PTGDR2: variants seen among roughly 807,000 people sequenced by gnomAD.
PTGDR2 encodes G-protein coupled receptor 44.
For synonymous variants in PTGDR2, 276 were observed against 278.4 expected (o/e 0.99, Z 0.09); for missense variants, 544 against 576.6 (o/e 0.94, Z 0.58).
intron 1 of PTGDR2, among the ~76,000 whole-genome samples, chr11:60,854,361 A>AAT (rs1402195406): frequency 6.6e-6 from 1 of 152,184 alleles, no homozygotes; most frequent in Non-Finnish European, 1.5e-5. Context: ...TTGGAGAGGA[A>AAT]ATAAGATAAG....
In PTGDR2 at chr11:60,852,460, G is replaced by T; in HGVS notation, c.*75C>A. The T allele has an allele frequency of 8.4e-7, 1 of 1,196,148 alleles. No individual in the cohort carries two copies. The highest frequency in any genetic ancestry group is 1.0e-6 in the Non-Finnish European group (1 of 952,926). The allele number at this position is 1,196,148 out of a possible 1,614,324, so 74.1% of individuals were successfully genotyped here. On this transcript the variant is annotated 3_prime_UTR_variant, in exon 2 of 2. Transcript: ENST00000332539. Reference sequence around the variant, plus strand: ...TCGGACTTTGATCACTGCGGCAGGAGTCCGGATATCGAATTGAACCGCGGC... The same window carrying T: ...TCGGACTTTGATCACTGCGGCAGGATTCCGGATATCGAATTGAACCGCGGC...
At position 60,853,043 on chromosome 11, in the gene PTGDR2, G is replaced by C. The variant is rs1166139910; in HGVS notation, c.680C>G (p.Ala227Gly). 27 of 1,567,066 alleles carry C rather than the reference G, an allele frequency of 1.7e-5. No homozygotes were observed. Among genetic ancestry groups the C allele is most frequent in the Admixed American group, 1.8e-5 (1 of 54,692 alleles). Residue 227 changes from alanine (A) to glycine (G), a missense_variant, in exon 2 of 2, where the codon GCG becomes GGG. Transcript: ENST00000332539. ...VPLAIIASSH[A>G]AVSLRLQHRG... The stretch of plus-strand genomic sequence containing the variant: ...GTGCTGCAACCGCAGGCTCACGGCC[G>C]CGTGGCTCGAGGCGATGATCGCCAG...
chr11:60,855,361 A>C (rs1855342931), intron 1 of PTGDR2, among the ~76,000 whole-genome samples: 2 of 152,096 alleles, frequency 1.3e-5, no homozygotes, highest in African/African-American at 4.8e-5. Flanking sequence ...TATGGGGATG[A>C]TCAGAGAGCA....
At position 60,853,338 on chromosome 11, in the gene PTGDR2, G is replaced by C; in HGVS notation, c.385C>G (p.Arg129Gly). The C allele has an allele frequency of 1.9e-6, 3 of 1,609,578 alleles. No homozygotes were observed. Among genetic ancestry groups the C allele is most frequent in the Non-Finnish European group, 2.5e-6 (3 of 1,178,424 alleles). Residue 129 changes from arginine (R) to glycine (G), a missense_variant, in exon 2 of 2, where the codon CGC becomes GGC. Physicochemically the swap from Arg to Gly is moderately radical, Grantham distance 125. Coordinates refer to ENST00000332539, the MANE Select transcript of PTGDR2 (RefSeq NM_004778.3). ...GFLLSAISLD[R>G]CLQVVRPVWA... The stretch of plus-strand genomic sequence containing the variant: ...ACCGGCCGCACCACCTGCAGGCAGC[G>C]GTCCAGGCTGATGGCGCTGAGCAGG...
At position 60,852,983 on chromosome 11, in the gene PTGDR2, A is replaced by C. The variant is rs1409036697; in HGVS notation, c.740T>G (p.Leu247Arg). The C allele has an allele frequency of 6.4e-6, 9 of 1,403,606 alleles. No homozygotes were observed. Among genetic ancestry groups the C allele is most frequent in the Non-Finnish European group, 5.6e-6 (6 of 1,080,898 alleles). The allele number at this position is 1,403,606 out of a possible 1,614,324, so 86.9% of individuals were successfully genotyped here. A position where few individuals can be genotyped will look rare whatever the true frequency, so the allele number is the denominator to read the frequency against. Residue 247 changes from leucine (L) to arginine (R), a missense_variant, in exon 2 of 2, where the codon CTG becomes CGG. Transcript: ENST00000332539. ...GRRRPGRFVR[L>R]VAAVVAAFAL... ...GAAGGCGGCCACGACGGCCGCCACC[A>C]GGCGCACGAAGCGGCCTGGCCGCCG... is the stretch of plus-strand genomic sequence containing the variant.
intron 1 of PTGDR2, among the ~76,000 whole-genome samples, chr11:60,855,454 G>C (rs1421562591): frequency 6.8e-6 from 1 of 146,366 alleles, no homozygotes; most frequent in Non-Finnish European, 1.5e-5. Context: ...GGATTCTCAG[G>C]AGCCAAGCAG....
chr11:60,854,111 G>T (rs1855324204), intron 1 of PTGDR2, among the ~76,000 whole-genome samples: 1 of 152,214 alleles, frequency 6.6e-6, no homozygotes, highest in African/African-American at 2.4e-5. Context: ...AAGGAACAAG[G>T]TCAGGCCACA....
At position 60,852,613 on chromosome 11, in the gene PTGDR2, G is replaced by A. The variant is rs766262749; in HGVS notation, c.1110C>T (p.Leu370=). ...CTGCGCAGCTGCCCAGCAGCCAGCC[G>A]AGGAGACGCGCGGGGCCCCGCGGTT... ...PEEPRGPARL[L]GWLLGSCAAS... is the part of the protein sequence containing the mutation. Residue 370 remains leucine, a synonymous_variant, in exon 2 of 2, where the codon CTC becomes CTT. Coordinates refer to ENST00000332539, the MANE Select transcript of PTGDR2 (RefSeq NM_004778.3). 3.0e-6 allele frequency: 4 copies of A among 1,312,706 alleles called. No individual in the cohort carries two copies. Among genetic ancestry groups the A allele is most frequent in the Non-Finnish European group, 3.9e-6 (4 of 1,029,898 alleles). 81.3% of individuals were successfully genotyped at this position (1,312,706 alleles called of 1,614,324 possible). A position where few individuals can be genotyped will look rare whatever the true frequency, so the allele number is the denominator to read the frequency against.
chr11:60,853,004 C>A lies in PTGDR2; in HGVS notation c.719G>T (p.Arg240Leu), dbSNP rs914134006. 2.1e-6 allele frequency: 3 copies of A among 1,443,456 alleles called. No homozygotes were observed. The highest frequency in any genetic ancestry group is 2.7e-5 in the East Asian group (1 of 36,558). 89.4% of individuals were successfully genotyped at this position (1,443,456 alleles called of 1,614,324 possible). A position where few individuals can be genotyped will look rare whatever the true frequency, so the allele number is the denominator to read the frequency against. The change falls in exon 2 of 2, where the codon CGG becomes CTG. Residue 240 changes from arginine to leucine, a missense_variant. Transcript: ENST00000332539. ...SLRLQHRGRR[R>L]PGRFVRLVAA... ...CACCAGGCGCACGAAGCGGCCTGGC[C>A]GCCGGCGGCCGCGGTGCTGCAACCG...
rs1321054434 is a variant in PTGDR2, at chr11:60,852,461, T to G, written c.*74A>C. ...CGGACTTTGATCACTGCGGCAGGAGTCCGGATATCGAATTGAACCGCGGCA... is the reference window on the plus strand; with the variant it reads ...CGGACTTTGATCACTGCGGCAGGAGGCCGGATATCGAATTGAACCGCGGCA... On this transcript the variant is annotated 3_prime_UTR_variant, in exon 2 of 2. Coordinates refer to ENST00000332539, the MANE Select transcript of PTGDR2 (RefSeq NM_004778.3). 3 of 1,195,974 alleles carry G rather than the reference T, an allele frequency of 2.5e-6. No individual in the cohort carries two copies. Among genetic ancestry groups the G allele is most frequent in the Admixed American group, 4.2e-5 (1 of 23,634 alleles). 74.1% of individuals were successfully genotyped at this position (1,195,974 alleles called of 1,614,324 possible). A position where few individuals can be genotyped will look rare whatever the true frequency, so the allele number is the denominator to read the frequency against.
chr11:60,853,102 G>A lies in PTGDR2; in HGVS notation c.621C>T (p.Ala207=), dbSNP rs141086539. The change falls in exon 2 of 2, where the codon GCC becomes GCT. Residue 207 remains alanine, a synonymous_variant. Coordinates refer to ENST00000332539, the MANE Select transcript of PTGDR2 (RefSeq NM_004778.3). ...GGAAGGCCAGCAGGAACTTGCTGAC[G>A]GCCAGGGCCACCTGCCGCGAGTTGC... ...ATCNSRQVAL[A]VSKFLLAFLV... is the part of the protein sequence containing the mutation. 1.9e-6 allele frequency: 3 copies of A among 1,602,454 alleles called. No individual in the cohort carries two copies. The highest frequency in any genetic ancestry group is 2.5e-6 in the Non-Finnish European group (3 of 1,178,188).
In PTGDR2 at chr11:60,851,168, G is replaced by A. The variant is rs989230424; in HGVS notation, c.*1367C>T. ...CGAGGTGTCAACACAGGGTGGCTCT[G>A]CAGCTAGCTGGGCACCTCACTGTTC... On this transcript the variant is annotated 3_prime_UTR_variant, in exon 2 of 2. Coordinates refer to ENST00000332539, the MANE Select transcript of PTGDR2 (RefSeq NM_004778.3). The A allele has an allele frequency of 6.6e-6, 1 of 152,340 alleles. No homozygotes were observed. The highest frequency in any genetic ancestry group is 1.5e-5 in the Non-Finnish European group (1 of 68,074). The allele number at this position is 152,340 out of a possible 1,614,324, so 9.4% of individuals were successfully genotyped here.
intron 1 of PTGDR2, among the ~76,000 whole-genome samples, chr11:60,854,260 T>G (rs1855326964): frequency 6.6e-6 from 1 of 152,220 alleles, no homozygotes. Context: ...ATGTTGCCTC[T>G]CTACAGATCC....
chr11:60,853,133 G>A lies in PTGDR2; in HGVS notation c.590C>T (p.Ala197Val), dbSNP rs1855305093. 1.2e-6 allele frequency: 2 copies of A among 1,606,890 alleles called. No individual in the cohort carries two copies. The highest frequency in any genetic ancestry group is 1.7e-6 in the Non-Finnish European group (2 of 1,179,676). The change falls in exon 2 of 2, where the codon GCC becomes GTC. Residue 197 changes from alanine to valine, a missense_variant. By Grantham distance (64) the Ala-to-Val change is moderately conservative. Transcript: ENST00000332539. The part of the protein sequence containing the change: ...LLLNPGPDRD[A>V]TCNSRQVALA... ...GGCCACCTGCCGCGAGTTGCACGTG[G>A]CATCGCGGTCAGGCCCCGGGTTCAG...
Position 60,852,736 on chromosome 11 carries a change from G to C in PTGDR2, c.987C>G (p.Asp329Glu), listed in dbSNP as rs1428238084. ...LRTVLESVLVDDSELGGAGSS... is the reference protein window; with the variant it reads ...LRTVLESVLVEDSELGGAGSS... ...TTCCCGCGCCACCCAGCTCGCTGTC[G>C]TCCACCAGCACGCTCTCCAGCACCG... The change falls in exon 2 of 2, where the codon GAC becomes GAG. Residue 329 changes from aspartate to glutamate, a missense_variant. Coordinates refer to ENST00000332539, the MANE Select transcript of PTGDR2 (RefSeq NM_004778.3). 2 of 1,486,770 alleles carry C rather than the reference G, an allele frequency of 1.3e-6. No homozygotes were observed. The highest frequency in any genetic ancestry group is 1.8e-6 in the Non-Finnish European group (2 of 1,110,926). 92.1% of individuals were successfully genotyped at this position (1,486,770 alleles called of 1,614,324 possible). A position where few individuals can be genotyped will look rare whatever the true frequency, so the allele number is the denominator to read the frequency against.
Position 60,853,658 on chromosome 11 carries a change from C to T in PTGDR2, c.65G>A (p.Ser22Asn). 3 of 1,559,010 alleles carry T rather than the reference C, an allele frequency of 1.9e-6. No homozygotes were observed. The highest frequency in any genetic ancestry group is 2.6e-6 in the Non-Finnish European group (3 of 1,151,464). The change falls in exon 2 of 2, where the codon AGC becomes AAC. Residue 22 changes from serine to asparagine, a missense_variant. Physicochemically the swap from Ser to Asn is conservative, Grantham distance 46 (BLOSUM62 1). Transcript: ENST00000332539. ...GTAGCGGATGCTGGTGTTGCTGTGG[C>T]TCTGGAGACGGCTCATCTGCTCCAG... is the stretch of plus-strand genomic sequence containing the variant. ...PILEQMSRLQ[S>N]HSNTSIRYID... is the part of the protein sequence containing the mutation.
chr11:60,852,515 C>T lies in PTGDR2; in HGVS notation c.*20G>A, dbSNP rs1311998036. 1.6e-6 allele frequency: 2 copies of T among 1,252,788 alleles called. No individual in the cohort carries two copies. The highest frequency in any genetic ancestry group is 3.1e-5 in the East Asian group (1 of 31,750). 77.6% of individuals were successfully genotyped at this position (1,252,788 alleles called of 1,614,324 possible). On this transcript the variant is annotated 3_prime_UTR_variant, in exon 2 of 2. Transcript: ENST00000332539. ...TGGTGATACTTTCGCGTGTGAGTGC[C>T]GCCCTACGTGGGCCGGGTTCTAACT... is the stretch of plus-strand genomic sequence containing the variant.
At position 60,852,822 on chromosome 11, in the gene PTGDR2, G is replaced by T. The variant is rs1258413807; in HGVS notation, c.901C>A (p.Pro301Thr). ...GGGCAGGTGAGCACGTAGAGCACCG[G>T]GTTGGCCACGCTGTTGAAGAAGGCC... ...SLAFFNSVAN[P>T]VLYVLTCPDM... is the part of the protein sequence containing the mutation. Residue 301 changes from proline (P) to threonine (T), a missense_variant, in exon 2 of 2, where the codon CCG (proline) becomes ACG (threonine). By Grantham distance (38) the Pro-to-Thr change is conservative. Transcript: ENST00000332539. The T allele has an allele frequency of 1.3e-6, 2 of 1,560,318 alleles. No homozygotes were observed. The highest frequency in any genetic ancestry group is 1.9e-5 in the Admixed American group (1 of 52,748).
chr11:60,853,382 T>C lies in PTGDR2; in HGVS notation c.341A>G (p.Asn114Ser). The C allele has an allele frequency of 1.9e-6, 3 of 1,595,928 alleles. No individual in the cohort carries two copies. The highest frequency in any genetic ancestry group is 1.7e-6 in the Non-Finnish European group (2 of 1,171,478). ...CKLHSSIFFL[N>S]MFASGFLLSA... ...GAGCAGGAAGCCGCTGGCGAACATG[T>C]TGAGAAAGAAGATGGAGGAGTGCAG... The change falls in exon 2 of 2, where the codon AAC (asparagine) becomes AGC (serine). Residue 114 changes from asparagine to serine, a missense_variant. Physicochemically the swap from Asn to Ser is conservative, Grantham distance 46. Transcript: ENST00000332539.
Sources: gnomAD v4.1 joint callset for allele counts (sites outside exome capture counted in the v4.1 genomes callset) on GRCh38, gnomAD v4.1.1 for gene constraint, MANE v1.5 for transcripts, NCBI Gene and HGNC (gene_info 2026-07-23, HGNC 2026-07-21) for gene names.